The following SHANK2 variants were observed in gnomAD, a reference collection of about 807,000 sequenced individuals.
SHANK2 encodes SH3 and multiple ankyrin repeat domains 2.
Under a neutral mutation model 133.7 loss-of-function variants are expected in SHANK2, and 43 were observed. The observed-to-expected ratio is 0.32, with a 90% CI of 0.25 to 0.41. The LOEUF (loss-of-function observed/expected upper bound fraction) is 0.41. Ranked by LOEUF, SHANK2 falls within the 10% of genes least tolerant of loss-of-function variation. The pLI, the probability that SHANK2 is intolerant of heterozygous loss-of-function variation, is 1.00. For synonymous variants in SHANK2, 1,017 were observed against 952.8 expected (o/e 1.07, Z -1.24); for missense variants, 1,994 against 2,235.8 (o/e 0.89, Z 2.18).
intron 15 of SHANK2, among the ~76,000 whole-genome samples, chr11:70,694,907 T>G (rs1211321629): frequency 6.6e-6 from 1 of 152,152 alleles, no homozygotes; most frequent in Non-Finnish European, 1.5e-5. Flanking sequence ...CTGTCAGCAC[T>G]GCCTGTCCCC....
chr11:70,810,989 A>G (rs1352351937), intron 12 of SHANK2, among the ~76,000 whole-genome samples: 1 of 152,160 alleles, frequency 6.6e-6, no homozygotes, highest in Non-Finnish European at 1.5e-5. Flanking sequence ...CCTAGTGATG[A>G]GGTCACAGGT....
At chr11:70,937,417 C>T (rs1043710142) in intron 10 of SHANK2, among the ~76,000 whole-genome samples, 4 of 152,226 alleles carry the variant, frequency 2.6e-5, no homozygotes, top group East Asian at 3.8e-4. Flanking sequence ...CCTGAGAGCC[C>T]GGTGAGGCCC....
chr11:70,817,458 C>T (rs1322492730), intron 12 of SHANK2, among the ~76,000 whole-genome samples: 2 of 152,200 alleles, frequency 1.3e-5, no homozygotes, highest in African/African-American at 2.4e-5. Flanking sequence ...CAGTGCCCCT[C>T]GACTTGGGAC....
chr11:70,501,813 C>G (rs552901219), intron 20 of SHANK2, 110 bp downstream of exon 20: 1 of 1,146,348 alleles, frequency 8.7e-7, no homozygotes, highest in Non-Finnish European at 1.3e-6. Flanking sequence ...GTCTGAGCCA[C>G]GTGGGGAGCA....
intron 2 of SHANK2, among the ~76,000 whole-genome samples, chr11:71,208,331 G>A (rs1412144420): frequency 6.6e-6 from 1 of 152,112 alleles, no homozygotes; most frequent in African/African-American, 2.4e-5. Flanking sequence ...GTTGGGGGGA[G>A]AAGGGACACG....
chr11:70,822,871 G>A (rs3017496), intron 11 of SHANK2, among the ~76,000 whole-genome samples: 8 of 36,940 alleles, frequency 2.2e-4, no homozygotes, highest in South Asian at 1.2e-3. Flanking sequence ...GTCACGGGGG[G>A]CAGAGGTGGC....
chr11:71,082,229 G>A lies in SHANK2; in HGVS notation c.913-6954C>T, dbSNP rs1036274282. ...GGCTCTCCACCTGGCTGCTGTTCAC[G>A]CTGGCCCTTCCTGTGCTACCTGGCA... is the stretch of plus-strand genomic sequence containing the variant. On this transcript the variant is annotated intron_variant, in intron 8 of 25. Transcript: ENST00000601538. 4.9e-4 allele frequency among the ~76,000 whole-genome samples: 74 copies of A among 152,316 alleles called. 1 individual carries two copies. Among genetic ancestry groups the A allele is most frequent in the South Asian group, 2.3e-3 (11 of 4,830 alleles).
chr11:71,232,647 G>A (rs1555123121), intron 1 of SHANK2, among the ~76,000 whole-genome samples: 1 of 152,046 alleles, frequency 6.6e-6, no homozygotes, highest in African/African-American at 2.4e-5. Flanking sequence ...AGGAGTGAAT[G>A]TATTTTCTCT....
At chr11:70,828,378 G>T (rs1299116735) in intron 11 of SHANK2, among the ~76,000 whole-genome samples, 1 of 152,182 alleles carries the variant, frequency 6.6e-6, no homozygotes, top group Non-Finnish European at 1.5e-5. Context: ...AACTCTGCCG[G>T]GGTGACATTC....
At chr11:71,191,716 G>T (rs73537499) in intron 2 of SHANK2, among the ~76,000 whole-genome samples, 9,558 of 151,368 alleles carry the variant, frequency 0.063, 828 homozygotes, top group African/African-American at 0.2. Context: ...GCACCACTAC[G>T]CCTGGCTACT....
At chr11:70,474,343 G>A (rs2058636079) in intron 25 of SHANK2, 1 of 152,266 alleles carries the variant, frequency 6.6e-6, no homozygotes, top group East Asian at 1.9e-4. Context: ...CCTGTGCCTT[G>A]CCGCTCTGGC....
chr11:70,646,084 C>G (rs1222831207), intron 17 of SHANK2: 2 of 152,238 alleles, frequency 1.3e-5, no homozygotes, highest in Non-Finnish European at 2.9e-5. Context: ...GTTATTGTTC[C>G]CAGAGCTGTG....
chr11:71,190,144 A>T (rs1309799710), intron 2 of SHANK2, among the ~76,000 whole-genome samples: 1 of 152,236 alleles, frequency 6.6e-6, no homozygotes, highest in East Asian at 1.9e-4. Context: ...AGCCAAGCAC[A>T]GGCACTGCTG....
chr11:70,716,810 T>G (rs1325557434), intron 14 of SHANK2, among the ~76,000 whole-genome samples: 2 of 151,932 alleles, frequency 1.3e-5, no homozygotes, highest in Non-Finnish European at 2.9e-5. Flanking sequence ...ATGGCTCACA[T>G]AGATCTCTTC....
rs568233873 is a variant in SHANK2, at chr11:70,804,405, C to T, written c.1663+2597G>A. Among the ~76,000 whole-genome samples, 1 of 152,322 alleles carries T rather than the reference C, an allele frequency of 6.6e-6. No individual in the cohort carries two copies. The highest frequency in any genetic ancestry group is 2.4e-5 in the African/African-American group (1 of 41,592). On this transcript the variant is annotated intron_variant, in intron 13 of 25. Transcript: ENST00000601538. This position sits in a 1 kb window ranked among gnomAD's most constrained non-coding sequence, Gnocchi z 4.1. ...GTGCCAATTGTGTGCAAATGGCCTG[C>T]GCGGCCCACTCGAATCTCTTTTCAG...
chr11:70,585,249 A>T (rs782555533), intron 17 of SHANK2, among the ~76,000 whole-genome samples: 1 of 152,250 alleles, frequency 6.6e-6, no homozygotes, highest in Non-Finnish European at 1.5e-5. Context: ...CCAAGAGCTG[A>T]TGCAAAGGGC....
intron 3 of SHANK2, among the ~76,000 whole-genome samples, chr11:71,123,291 G>T (rs1452487373): frequency 7.9e-5 from 12 of 152,188 alleles, no homozygotes; most frequent in Non-Finnish European, 1.8e-4. Flanking sequence ...AAGCAAACCA[G>T]CCTGAGGTCA....
chr11:71,066,480 G>A (rs1015100685), intron 9 of SHANK2, among the ~76,000 whole-genome samples: 10 of 152,084 alleles, frequency 6.6e-5, no homozygotes, highest in Non-Finnish European at 1.3e-4. Context: ...TGGGCATGAC[G>A]TAAGAGAAGG....
intron 17 of SHANK2, among the ~76,000 whole-genome samples, chr11:70,614,429 A>G (rs2060711070): frequency 6.6e-6 from 1 of 151,826 alleles, no homozygotes; most frequent in South Asian, 2.1e-4. Context: ...CTCCTGCCTC[A>G]GCCTCCAGAG....
Sources: allele counts gnomAD v4.1 joint callset (sites outside exome capture counted in the v4.1 genomes callset), GRCh38; gene constraint gnomAD v4.1.1; non-coding constraint Gnocchi (gnomAD v3.1); transcripts MANE v1.5; gene names NCBI Gene and HGNC (gene_info 2026-07-23, HGNC 2026-07-21).